CTSC: variants seen among roughly 807,000 people sequenced by gnomAD.
CTSC encodes dipeptidyl peptidase 1.
In CTSC, 37 loss-of-function variants were observed where a neutral mutation model predicts 40.9. The observed-to-expected ratio is 0.91, with a 90% confidence interval of 0.70 to 1.19. The LOEUF is 1.19. Among genes scored for constraint, CTSC ranks in the 50% most tolerant of loss-of-function variants. The probability of loss-of-function intolerance (pLI) is 0.00; values close to 1 mark genes in which losing one functional copy is unlikely to be tolerated. For missense variants in CTSC, 594 were observed against 567.3 expected (o/e 1.05, Z -0.48); for synonymous variants, 232 against 207.4 (o/e 1.12, Z -1.02).
Position 88,294,523 on chromosome 11 carries a change from C to T in CTSC, c.890-15G>A. On this transcript the variant is annotated splice_polypyrimidine_tract_variant and intron_variant, in intron 6 of 6. Coordinates refer to ENST00000227266, the MANE Select transcript of CTSC (RefSeq NM_001814.6). ...GCCTTCACAGCCTGAAGATGAATAA[C>T]ACACATGGTTACCCCTTAGTAGAAA... 6.2e-7 allele frequency: 1 copy of T among 1,613,958 alleles called. No individual in the cohort carries two copies. The highest frequency in any genetic ancestry group is 1.3e-5 in the African/African-American group (1 of 75,052).
At chr11:88,327,295 AAT>A (rs1452033500) in intron 2 of CTSC, among the ~76,000 whole-genome samples, 2 of 152,204 alleles carry the variant, frequency 1.3e-5, no homozygotes, top group Non-Finnish European at 2.9e-5. Context: ...GGAAAATGCT[AAT>A]ATAAGATAAA....
At chr11:88,325,387 CA>C in intron 2 of CTSC, 1 of 985,400 alleles carries the variant, frequency 1.0e-6, no homozygotes, top group East Asian at 1.1e-4. Context: ...AAAACTTCAA[CA>C]TGAGCCCATG....
intron 2 of CTSC, 54 bp downstream of exon 2, chr11:88,334,883 G>A (rs1938447396): frequency 8.9e-6 from 12 of 1,347,584 alleles, no homozygotes. Context: ...AATCAGAAGA[G>A]GTTTCAGATA....
chr11:88,326,570 AT>A (rs1555031531), intron 2 of CTSC: 2 of 695,006 alleles, frequency 2.9e-6, no homozygotes, highest in Non-Finnish European at 2.5e-6. Flanking sequence ...AGATCCTGGT[AT>A]ATTTTTGTAA....
chr11:88,303,805 G>T (rs557530051), intron 4 of CTSC, among the ~76,000 whole-genome samples: 1 of 152,282 alleles, frequency 6.6e-6, no homozygotes, highest in South Asian at 2.1e-4. Flanking sequence ...TTCCTTTAGG[G>T]TATGACACAG....
chr11:88,294,343 T>C lies in CTSC; in HGVS notation c.1055A>G (p.Tyr352Cys), dbSNP rs747779747. The change falls in exon 7 of 7, where the codon TAT becomes TGT. Residue 352 changes from tyrosine to cysteine, a missense_variant. Tyr to Cys is a radical substitution (Grantham distance 194). Coordinates refer to ENST00000227266, the MANE Select transcript of CTSC (RefSeq NM_001814.6). ...CATCAGGGCTTCATTGCAGCCTCCATAGAAACCTCCTACATAGTGGTACTC... is the reference window on the plus strand; with the variant it reads ...CATCAGGGCTTCATTGCAGCCTCCACAGAAACCTCCTACATAGTGGTACTC... ...SSEYHYVGGF[Y>C]GGCNEALMKL... 5.6e-6 allele frequency: 9 copies of C among 1,613,944 alleles called. No homozygotes were observed. The highest frequency in any genetic ancestry group is 2.2e-5 in the East Asian group (1 of 44,886).
At position 88,293,625 on chromosome 11, in the gene CTSC, T is replaced by G; in HGVS notation, c.*381A>C. 4.5e-6 allele frequency: 1 copy of G among 222,292 alleles called. No individual in the cohort carries two copies. The highest frequency in any genetic ancestry group is 5.2e-5 in the Admixed American group (1 of 19,232). 13.8% of individuals were successfully genotyped at this position (222,292 alleles called of 1,614,324 possible). A position where few individuals can be genotyped will look rare whatever the true frequency, so the allele number is the denominator to read the frequency against. On this transcript the variant is annotated 3_prime_UTR_variant, in exon 7 of 7. Coordinates refer to ENST00000227266, the MANE Select transcript of CTSC (RefSeq NM_001814.6). ...TTTTTAAAACTTTATTTTAAAAATA[T>G]GAGCATCTATTTTAAAAGTTTTGAT...
chr11:88,310,658 T>C (rs1937734812), intron 3 of CTSC, among the ~76,000 whole-genome samples: 1 of 152,184 alleles, frequency 6.6e-6, no homozygotes, highest in South Asian at 2.1e-4. Context: ...TTTGTCGAAG[T>C]TCTTTCCCAC....
Position 88,293,969 on chromosome 11 carries a change from C to T in CTSC, c.*37G>A, listed in dbSNP as rs2134762578. On this transcript the variant is annotated 3_prime_UTR_variant, in exon 7 of 7. Coordinates refer to ENST00000227266, the MANE Select transcript of CTSC (RefSeq NM_001814.6). ...TGAATATACCAATTCCCCTTTACAACTGATGCAGATCATTATGAAATACTG... is the reference window on the plus strand; with the variant it reads ...TGAATATACCAATTCCCCTTTACAATTGATGCAGATCATTATGAAATACTG... 6.2e-7 allele frequency: 1 copy of T among 1,610,354 alleles called. No homozygotes were observed. The highest frequency in any genetic ancestry group is 8.5e-7 in the Non-Finnish European group (1 of 1,178,382).
In CTSC at chr11:88,300,622, G is replaced by A. The variant is rs746161257; in HGVS notation, c.665C>T (p.Ala222Val). 1.2e-6 allele frequency: 2 copies of A among 1,612,868 alleles called. No individual in the cohort carries two copies. Among genetic ancestry groups the A allele is most frequent in the Non-Finnish European group, 1.7e-6 (2 of 1,178,978 alleles). Reference protein sequence around the residue: ...IPRPKPAPLTAEIQQKILHLP... With the variant: ...IPRPKPAPLTVEIQQKILHLP... ...ATGCAAAATCTTTTGCTGTATTTCAGCAGTCAGTGGTGCAGGTTTGGGCCT... is the reference window on the plus strand; with the variant it reads ...ATGCAAAATCTTTTGCTGTATTTCAACAGTCAGTGGTGCAGGTTTGGGCCT... Residue 222 changes from alanine to valine, a missense_variant, in exon 5 of 7, where the codon GCT becomes GTT. By Grantham distance (64) the Ala-to-Val change is moderately conservative (BLOSUM62 0). Coordinates refer to ENST00000227266, the MANE Select transcript of CTSC (RefSeq NM_001814.6).
Position 88,296,116 on chromosome 11 carries a change from T to C in CTSC, c.889+17A>G, listed in dbSNP as rs1944295981. On this transcript the variant is annotated intron_variant, in intron 6 of 6. Transcript: ENST00000227266. ...AGGTAAATAGCTCATAAATGGTGTC[T>C]GAAATGCAACACTTACCTTGAGCAT... 1 of 1,613,350 alleles carries C rather than the reference T, an allele frequency of 6.2e-7. No individual in the cohort carries two copies. The highest frequency in any genetic ancestry group is 8.5e-7 in the Non-Finnish European group (1 of 1,179,444).
chr11:88,317,016 G>C (rs1402139012), intron 2 of CTSC, among the ~76,000 whole-genome samples: 1 of 151,892 alleles, frequency 6.6e-6, no homozygotes, highest in South Asian at 2.1e-4. Flanking sequence ...ACCCAGGCTG[G>C]AGTGCAGTGG....
intron 4 of CTSC, among the ~76,000 whole-genome samples, chr11:88,301,385 T>C (rs527841729): frequency 2.0e-5 from 3 of 152,328 alleles, no homozygotes; most frequent in East Asian, 1.9e-4. Flanking sequence ...GGGAAACCTC[T>C]AGACGGTATT....
chr11:88,308,968 GA>G (rs1937692037), intron 4 of CTSC, among the ~76,000 whole-genome samples, 194 bp downstream of exon 4: 1 of 152,104 alleles, frequency 6.6e-6, no homozygotes, highest in Non-Finnish European at 1.5e-5. Context: ...ACATGTGAAA[GA>G]AAAACTCATA....
chr11:88,321,151 T>A (rs1412835456), intron 2 of CTSC: 5 of 527,436 alleles, frequency 9.5e-6, no homozygotes, highest in Non-Finnish European at 1.2e-5. Flanking sequence ...ATATTTTAAA[T>A]TTTTTAAGTT....
chr11:88,300,582 C>A lies in CTSC; in HGVS notation c.705G>T (p.Trp235Cys). ...TGATACCATGAACATTTCTCCAGTCCCAAGATGTTGGCAAATGCAAAATCT... is the reference window on the plus strand; with the variant it reads ...TGATACCATGAACATTTCTCCAGTCACAAGATGTTGGCAAATGCAAAATCT... ...QQKILHLPTS[W>C]DWRNVHGINF... is the part of the protein sequence containing the mutation. The change falls in exon 5 of 7, where the codon TGG becomes TGT. Residue 235 changes from tryptophan to cysteine, a missense_variant. By Grantham distance (215) the Trp-to-Cys change is radical (BLOSUM62 -2). Transcript: ENST00000227266. The A allele has an allele frequency of 6.2e-7, 1 of 1,613,896 alleles. No individual in the cohort carries two copies. Among genetic ancestry groups the A allele is most frequent in the Admixed American group, 1.7e-5 (1 of 60,028 alleles).
chr11:88,323,398 T>C (rs574836788), intron 2 of CTSC: 4 of 151,856 alleles, frequency 2.6e-5, no homozygotes, highest in South Asian at 4.2e-4. Context: ...TTATTCAATA[T>C]AGTATTGGGA....
At chr11:88,322,495 TAG>T (rs1023042138) in intron 2 of CTSC, 1 of 152,146 alleles carries the variant, frequency 6.6e-6, no homozygotes, top group Admixed American at 6.6e-5. Flanking sequence ...ATTAATTGAA[TAG>T]AGAGTCCTTT....
chr11:88,298,062 C>T (rs1392006192), intron 5 of CTSC: 6 of 152,098 alleles, frequency 3.9e-5, no homozygotes, highest in African/African-American at 1.2e-4. Flanking sequence ...GACCTTTTGA[C>T]ACTGTTTTTT....
Sources: gnomAD v4.1 joint callset for allele counts (sites outside exome capture counted in the v4.1 genomes callset) on GRCh38, gnomAD v4.1.1 for gene constraint, MANE v1.5 for transcripts, NCBI Gene and HGNC (gene_info 2026-07-23, HGNC 2026-07-21) for gene names.